The following VCAN variants were observed in gnomAD, a reference collection of about 807,000 sequenced individuals.
VCAN encodes the protein versican.
In VCAN, 44 loss-of-function variants were observed where a neutral mutation model predicts 245.5. The ratio of observed to expected loss-of-function variants is 0.18; its 90% CI spans 0.14 to 0.23. The LOEUF (loss-of-function observed/expected upper bound fraction) is 0.23. Among genes scored for constraint, VCAN ranks in the 10% least tolerant of loss-of-function variants. The pLI is 1.00. For missense variants in VCAN, 3,793 were observed against 4,057.9 expected, an observed-to-expected ratio of 0.93 and a Z score of 1.77; for synonymous variants, 1,413 against 1,437.0, an observed-to-expected ratio of 0.98 and a Z score of 0.38.
At chr5:83,548,552 C>T (rs950356977) in intron 10 of VCAN, among the ~76,000 whole-genome samples, 2 of 152,142 alleles carry the variant, frequency 1.3e-5, no homozygotes, top group African/African-American at 4.8e-5. Flanking sequence ...TGTGAATCTG[C>T]TCACCAGGAA....
chr5:83,514,149 A>T (rs1452865187), intron 6 of VCAN, among the ~76,000 whole-genome samples: 1 of 152,230 alleles, frequency 6.6e-6, no homozygotes, highest in Admixed American at 6.5e-5. Context: ...CAAAATTCAA[A>T]AAATGTTTAA....
chr5:83,479,890 A>G (rs909058444), intron 1 of VCAN, among the ~76,000 whole-genome samples: 1 of 152,184 alleles, frequency 6.6e-6, no homozygotes. Flanking sequence ...CTTTTAATTC[A>G]AGGTTTGCAA....
At chr5:83,508,874 G>A (rs1247091383) in intron 5 of VCAN, among the ~76,000 whole-genome samples, 1 of 152,154 alleles carries the variant, frequency 6.6e-6, no homozygotes, top group African/African-American at 2.4e-5. Context: ...GATAAGTTGG[G>A]CACAGTGGTG....
Position 83,521,373 on chromosome 5 carries a change from A to G in VCAN, c.3067A>G (p.Thr1023Ala), listed in dbSNP as rs886060820. 1 of 1,614,156 alleles carries G rather than the reference A, an allele frequency of 6.2e-7. No homozygotes were observed. The highest frequency in any genetic ancestry group is 8.5e-7 in the Non-Finnish European group (1 of 1,180,008). ...GACTATTTCTCCAGAAACTATGAGAACAACAAAAATCACAGAGGGAACAAC... is the reference window on the plus strand; with the variant it reads ...GACTATTTCTCCAGAAACTATGAGAGCAACAAAAATCACAGAGGGAACAAC... ...EATISPETMR[T>A]TKITEGTTQE... Residue 1023 changes from threonine to alanine, a missense_variant, in exon 7 of 15, where the codon ACA becomes GCA. Coordinates refer to ENST00000265077, the MANE Select transcript of VCAN (RefSeq NM_004385.5).
At chr5:83,527,807 T>C (rs778559326) in intron 7 of VCAN, among the ~76,000 whole-genome samples, 3 of 152,224 alleles carry the variant, frequency 2.0e-5, no homozygotes, top group Non-Finnish European at 4.4e-5. Context: ...AGGTGTTACT[T>C]TGATAACTAA....
intron 11 of VCAN, among the ~76,000 whole-genome samples, chr5:83,553,997 C>T (rs1317473582): frequency 6.6e-6 from 1 of 152,166 alleles, no homozygotes; most frequent in East Asian, 1.9e-4. Context: ...GATTCTCATT[C>T]AAGTTTCTAA....
chr5:83,517,396 T>G (rs1246229178), intron 6 of VCAN, among the ~76,000 whole-genome samples: 1 of 152,190 alleles, frequency 6.6e-6, no homozygotes, highest in Non-Finnish European at 1.5e-5. Flanking sequence ...TTTAGCTTTT[T>G]TGTTGTTATT....
intron 10 of VCAN, among the ~76,000 whole-genome samples, chr5:83,549,987 A>G (rs764362229): frequency 6.6e-6 from 1 of 152,158 alleles, no homozygotes; most frequent in Non-Finnish European, 1.5e-5. Context: ...TCTGACTAGT[A>G]ACTTCCCAAG....
Position 83,538,651 on chromosome 5 carries a change from C to T in VCAN, c.5648C>T (p.Thr1883Ile). Residue 1883 changes from threonine to isoleucine, a missense_variant, in exon 8 of 15, where the codon ACA becomes ATA. Thr to Ile is a moderately conservative substitution (Grantham distance 89). Around this residue, in one of 5 missense-constraint regions of VCAN, gnomAD observed 3,182 missense variants for 3,250.3 expected, o/e 0.98. Transcript: ENST00000265077. ...GAAACTACATTCTCCACTGAGCCAACAGGACTGGTTTTGAGTACAGTAATG... is the reference window on the plus strand; with the variant it reads ...GAAACTACATTCTCCACTGAGCCAATAGGACTGGTTTTGAGTACAGTAATG... ...HVETTFSTEP[T>I]GLVLSTVMDR... 6.2e-7 allele frequency: 1 copy of T among 1,614,116 alleles called. No homozygotes were observed. The highest frequency in any genetic ancestry group is 8.5e-7 in the Non-Finnish European group (1 of 1,179,974).
At chr5:83,522,425 G>C in intron 7 of VCAN, 116 bp downstream of exon 7, 6 of 1,102,908 alleles carry the variant, frequency 5.4e-6, no homozygotes, top group Non-Finnish European at 7.9e-6. Flanking sequence ...TAACTGGAGT[G>C]TGAAAAATAA....
intron 6 of VCAN, among the ~76,000 whole-genome samples, chr5:83,518,977 C>T (rs772856765): frequency 2.6e-5 from 4 of 152,122 alleles, no homozygotes; most frequent in African/African-American, 4.8e-5. Context: ...TTCAAGTTGA[C>T]GCTGTAGTTT....
In VCAN at chr5:83,541,735, A is replaced by G; in HGVS notation, c.8732A>G (p.Glu2911Gly). Residue 2911 changes from glutamate (E) to glycine (G), a missense_variant, in exon 8 of 15, where the codon GAA becomes GGA. By Grantham distance (98) the Glu-to-Gly change is moderately conservative (BLOSUM62 -2). This residue lies in a region of VCAN where 3,182 missense variants were observed against 3,250.3 expected (regional missense o/e 0.98). Transcript: ENST00000265077. Reference protein sequence around the residue: ...SEDDGKPELLEEMEASPTELI... With the variant: ...SEDDGKPELLGEMEASPTELI... ...GATGATGGTAAACCTGAGTTATTAG[A>G]AGAAATGGAAGCTTCTCCCACAGAA... 1 of 1,614,070 alleles carries G rather than the reference A, an allele frequency of 6.2e-7. No homozygotes were observed. The highest frequency in any genetic ancestry group is 8.5e-7 in the Non-Finnish European group (1 of 1,179,994).
rs747879341 is a variant in VCAN, at chr5:83,493,624, T to C, written c.524T>C (p.Val175Ala). Residue 175 changes from valine to alanine, a missense_variant, in exon 4 of 15, where the codon GTT (valine) becomes GCT (alanine). Val to Ala is a moderately conservative substitution (Grantham distance 64). This residue lies in a region of VCAN where 190 missense variants were observed against 288.6 expected (regional missense o/e 0.66). Transcript: ENST00000265077. ...GCTGCTCAGAAGGCTTGTTTGGACG[T>C]TGGGGCAGTCATAGCAACTCCAGAG... ...FEAAQKACLD[V>A]GAVIATPEQL... The C allele has an allele frequency of 1.9e-6, 3 of 1,614,058 alleles. No homozygotes were observed. Among genetic ancestry groups the C allele is most frequent in the East Asian group, 4.5e-5 (2 of 44,880 alleles).
chr5:83,552,865 A>G (rs1322302604), intron 10 of VCAN, among the ~76,000 whole-genome samples: 4 of 152,040 alleles, frequency 2.6e-5, no homozygotes, highest in Middle Eastern at 3.4e-3. Flanking sequence ...TCAGTTTTAC[A>G]TGACAAGAGC....
chr5:83,576,342 CT>C (rs901276962), intron 13 of VCAN, among the ~76,000 whole-genome samples: 2 of 151,740 alleles, frequency 1.3e-5, no homozygotes, highest in Admixed American at 6.6e-5. Context: ...GTGCTTTGCT[CT>C]TTTTTTTGTT....
intron 1 of VCAN, among the ~76,000 whole-genome samples, chr5:83,475,877 AAC>A (rs1422996216): frequency 6.6e-6 from 1 of 152,200 alleles, no homozygotes; most frequent in African/African-American, 2.4e-5. Context: ...GGTAGATAAA[AAC>A]AGAGTTGGTT....
At chr5:83,570,176 G>A (rs1748237237) in intron 12 of VCAN, among the ~76,000 whole-genome samples, 1 of 152,014 alleles carries the variant, frequency 6.6e-6, no homozygotes, top group African/African-American at 2.4e-5. Flanking sequence ...GAGTAACACA[G>A]TGGGGCCATT....
At chr5:83,561,960 C>T (rs1025890056) in intron 12 of VCAN, 3 of 152,136 alleles carry the variant, frequency 2.0e-5, no homozygotes, top group Non-Finnish European at 4.4e-5. Context: ...GAAAGGATTT[C>T]ACATGATTTG....
intron 10 of VCAN, among the ~76,000 whole-genome samples, chr5:83,548,343 C>T (rs1747316202): frequency 6.6e-6 from 1 of 152,090 alleles, no homozygotes. Flanking sequence ...ATGTATTTTT[C>T]TTGGGGACAA....
Sources: gnomAD v4.1 joint callset for allele counts (sites outside exome capture counted in the v4.1 genomes callset) on GRCh38, gnomAD v4.1.1 for gene constraint, gnomAD v4.1.1 regional missense constraint, MANE v1.5 for transcripts, NCBI Gene and HGNC (gene_info 2026-07-23, HGNC 2026-07-21) for gene names.